The following SPOCK1 variants were observed in gnomAD, a reference collection of about 807,000 sequenced individuals.
SPOCK1 encodes testican-1.
A neutral mutation model predicts 55.3 loss-of-function variants in SPOCK1; 23 were observed. The ratio of observed to expected loss-of-function variants is 0.42; its 90% CI spans 0.30 to 0.59. The LOEUF (loss-of-function observed/expected upper bound fraction) is 0.59, where lower values mean the gene tolerates loss of function less well. Ranked by LOEUF, SPOCK1 falls within the 20% of genes least tolerant of loss-of-function variation. The pLI is 0.22. For synonymous variants in SPOCK1, 226 were observed against 221.0 expected (o/e 1.02, Z -0.20); for missense variants, 499 against 552.5 (o/e 0.90, Z 0.97).
chr5:137,448,452 T>C (rs1320063785), intron 2 of SPOCK1, among the ~76,000 whole-genome samples: 2 of 152,026 alleles, frequency 1.3e-5, no homozygotes, highest in Non-Finnish European at 2.9e-5. Flanking sequence ...TGGACAGAAT[T>C]CTACTGTGAA....
chr5:137,262,267 C>T (rs951195275), intron 3 of SPOCK1, among the ~76,000 whole-genome samples: 4 of 152,190 alleles, frequency 2.6e-5, no homozygotes, highest in African/African-American at 7.2e-5. Flanking sequence ...AAGATACAAT[C>T]TTTGTGACAA....
At chr5:137,185,423 G>A (rs1755049977) in intron 3 of SPOCK1, among the ~76,000 whole-genome samples, 1 of 152,138 alleles carries the variant, frequency 6.6e-6, no homozygotes, top group Non-Finnish European at 1.5e-5. Context: ...CAGGACCCTG[G>A]AACTCCTCTC....
intron 4 of SPOCK1, among the ~76,000 whole-genome samples, chr5:137,114,183 A>G (rs1753530177): frequency 6.6e-6 from 1 of 152,208 alleles, no homozygotes; most frequent in African/African-American, 2.4e-5. Flanking sequence ...CCACAGAACC[A>G]GAGAAGAAAG....
intron 6 of SPOCK1, among the ~76,000 whole-genome samples, chr5:137,008,264 T>C (rs1285870875): frequency 2.7e-5 from 4 of 148,940 alleles, no homozygotes; most frequent in Admixed American, 6.8e-5. Flanking sequence ...GTTCTGCATA[T>C]GTATCCCAGA....
At chr5:137,453,521 T>C (rs1353575607) in intron 2 of SPOCK1, among the ~76,000 whole-genome samples, 2 of 152,206 alleles carry the variant, frequency 1.3e-5, no homozygotes, top group Non-Finnish European at 2.9e-5. Context: ...TGGCTCAATC[T>C]AGTGAAACAA....
At chr5:137,066,937 C>CA (rs1310488056) in intron 6 of SPOCK1, among the ~76,000 whole-genome samples, 1 of 146,998 alleles carries the variant, frequency 6.8e-6, no homozygotes, top group African/African-American at 2.5e-5. Context: ...CATTACAAAT[C>CA]ACTCCTAGAT....
intron 2 of SPOCK1, among the ~76,000 whole-genome samples, chr5:137,413,200 C>T (rs766943094): frequency 3.3e-5 from 5 of 152,208 alleles, no homozygotes; most frequent in South Asian, 2.1e-4. Context: ...AAGAGCTATA[C>T]TTTGCTTCTC....
intron 6 of SPOCK1, among the ~76,000 whole-genome samples, chr5:137,033,534 T>C (rs1457208340): frequency 1.3e-5 from 2 of 152,130 alleles, no homozygotes; most frequent in Non-Finnish European, 2.9e-5. Context: ...TTGCACGCTA[T>C]CTGAAAGCCA....
At chr5:137,103,415 T>C (rs1753308510) in intron 5 of SPOCK1, among the ~76,000 whole-genome samples, 1 of 152,262 alleles carries the variant, frequency 6.6e-6, no homozygotes, top group Admixed American at 6.5e-5. Flanking sequence ...AAGTGGGATG[T>C]AAACAGAAGT....
chr5:137,287,212 G>T (rs1027576987), intron 2 of SPOCK1, among the ~76,000 whole-genome samples: 14 of 152,148 alleles, frequency 9.2e-5, no homozygotes, highest in African/African-American at 3.4e-4. Flanking sequence ...AACTGTTTCT[G>T]CCCTAAAGCT....
intron 2 of SPOCK1, among the ~76,000 whole-genome samples, chr5:137,364,235 T>G (rs1346827712): frequency 6.6e-6 from 1 of 152,172 alleles, no homozygotes; most frequent in Non-Finnish European, 1.5e-5. Context: ...CAGTTTTCCC[T>G]AATACCTAAG....
intron 6 of SPOCK1, among the ~76,000 whole-genome samples, chr5:137,063,995 CAAG>C (rs370150542): frequency 1.4e-4 from 22 of 152,124 alleles, no homozygotes; most frequent in African/African-American, 5.1e-4. Flanking sequence ...TGAACAGGGC[CAAG>C]AAGAAGCTGA....
At chr5:137,339,236 T>G (rs982651602) in intron 2 of SPOCK1, among the ~76,000 whole-genome samples, 15 of 152,246 alleles carry the variant, frequency 9.9e-5, no homozygotes, top group Non-Finnish European at 1.9e-4. Context: ...ATTTAGTCCC[T>G]GGCTTTGTGA....
chr5:137,231,878 C>T (rs1458868946), intron 3 of SPOCK1, among the ~76,000 whole-genome samples: 1 of 152,194 alleles, frequency 6.6e-6, no homozygotes, highest in African/African-American at 2.4e-5. Flanking sequence ...TGGGTGTTGC[C>T]ACTATTTTTC....
chr5:137,490,033 T>G (rs1282118268), intron 2 of SPOCK1, among the ~76,000 whole-genome samples: 2 of 152,260 alleles, frequency 1.3e-5, no homozygotes, highest in Admixed American at 6.5e-5. Flanking sequence ...TCTACCATAC[T>G]AGACCATAAA....
intron 6 of SPOCK1, among the ~76,000 whole-genome samples, chr5:136,993,512 T>A (rs1750988419): frequency 6.6e-6 from 1 of 152,090 alleles, no homozygotes; most frequent in African/African-American, 2.4e-5. Context: ...CAGCAATGCA[T>A]TTGGGGTCTT....
intron 2 of SPOCK1, among the ~76,000 whole-genome samples, chr5:137,478,230 C>A (rs1221204485): frequency 6.6e-6 from 1 of 152,126 alleles, no homozygotes; most frequent in Non-Finnish European, 1.5e-5. Context: ...CTTAGAATAG[C>A]ACCTGGCACA....
At chr5:137,407,388 G>A (rs1410857139) in intron 2 of SPOCK1, among the ~76,000 whole-genome samples, 4 of 152,172 alleles carry the variant, frequency 2.6e-5, no homozygotes, top group African/African-American at 9.7e-5. Context: ...AGGGCAGGAT[G>A]TTATGATAAA....
intron 6 of SPOCK1, among the ~76,000 whole-genome samples, chr5:137,027,386 A>C (rs1278495042): frequency 1.3e-5 from 2 of 152,196 alleles, no homozygotes; most frequent in Non-Finnish European, 2.9e-5. Flanking sequence ...ATGGAATCCC[A>C]AAGTGGCTTC....
Sources: gnomAD v4.1 joint callset for allele counts (sites outside exome capture counted in the v4.1 genomes callset) on GRCh38, gnomAD v4.1.1 for gene constraint, MANE v1.5 for transcripts, NCBI Gene and HGNC (gene_info 2026-07-23, HGNC 2026-07-21) for gene names.